Variants in FAM234B observed in about 807,000 individuals in gnomAD.
FAM234B encodes protein FAM234B.
FAM234B carries 33 observed loss-of-function variants against 69.3 expected under a neutral mutation model. The observed-to-expected ratio is 0.48, with a 90% CI of 0.36 to 0.64. The LOEUF (loss-of-function observed/expected upper bound fraction) is 0.64, where lower values mean the gene tolerates loss of function less well. Ranked by LOEUF, FAM234B falls within the 30% of genes least tolerant of loss-of-function variation. The pLI is 0.00. For missense variants in FAM234B, 697 were observed against 769.7 expected (o/e 0.91, Z 1.12); for synonymous variants, 306 against 306.9 (o/e 1.00, Z 0.03).
At chr12:13,065,109 C>T (rs1268214746) in intron 5 of FAM234B, among the ~76,000 whole-genome samples, 1 of 152,158 alleles carries the variant, frequency 6.6e-6, no homozygotes, top group African/African-American at 2.4e-5. Context: ...CATTTTTGGG[C>T]CAGCTCCAGA....
At chr12:13,048,447 G>A (rs1864835302) in intron 1 of FAM234B, among the ~76,000 whole-genome samples, 1 of 148,060 alleles carries the variant, frequency 6.8e-6, no homozygotes, top group East Asian at 2.1e-4. Flanking sequence ...GCAGTTTTAG[G>A]TCTTTATTGT....
At chr12:13,049,070 G>A (rs1005246397) in intron 1 of FAM234B, among the ~76,000 whole-genome samples, 2 of 152,236 alleles carry the variant, frequency 1.3e-5, no homozygotes, top group African/African-American at 4.8e-5. Context: ...TGGGGACACA[G>A]AGCCAAACCA....
chr12:13,060,055 T>C (rs1864969039), intron 3 of FAM234B, among the ~76,000 whole-genome samples: 1 of 152,222 alleles, frequency 6.6e-6, no homozygotes, highest in Non-Finnish European at 1.5e-5. Context: ...AAGGAATTTA[T>C]CCTTCCACAC....
rs543891115 is a variant in FAM234B, at chr12:13,082,473, A to T, written c.*1843A>T. 134 of 152,220 alleles carry T rather than the reference A, an allele frequency of 8.8e-4. No homozygotes were observed. Among genetic ancestry groups the T allele is most frequent in the African/African-American group, 3.1e-3 (130 of 41,514 alleles). 9.4% of individuals were successfully genotyped at this position (152,220 alleles called of 1,614,324 possible). A position where few individuals can be genotyped will look rare whatever the true frequency, so the allele number is the denominator to read the frequency against. On this transcript the variant is annotated 3_prime_UTR_variant, in exon 13 of 13. Transcript: ENST00000197268. ...CTCTGCCTTAAGATCCTGAAGGCAA[A>T]TTTTGTTTCAACAGTTTGGAAGTCA...
chr12:13,075,600 T>A (rs80323089), intron 10 of FAM234B, among the ~76,000 whole-genome samples: 2 of 129,848 alleles, frequency 1.5e-5, no homozygotes, highest in African/African-American at 2.8e-5. Context: ...CAAGCCCAGC[T>A]TTTTTTTCTC....
rs1247820237 is a variant in FAM234B at position 13,076,076 on chromosome 12, G to A, written c.1575G>A (p.Leu525=). The change falls in exon 11 of 13, where the codon CTG becomes CTA. Residue 525 remains leucine, a synonymous_variant. Transcript: ENST00000197268. ...CCAGCCTTCACCACCTTTACCTCCT[G>A]CATCCTGCGTTCCCCTCCATCCTTC... ...EPPSLHHLYL[L]HPAFPSILLD... 1 of 1,614,126 alleles carries A rather than the reference G, an allele frequency of 6.2e-7. No individual in the cohort carries two copies.
chr12:13,063,533 A>G (rs536996372), intron 5 of FAM234B, among the ~76,000 whole-genome samples: 3 of 152,358 alleles, frequency 2.0e-5, no homozygotes, highest in Admixed American at 2.0e-4. Flanking sequence ...AACAATGACC[A>G]AAGAAAGGAG....
chr12:13,071,382 G>A lies in FAM234B; in HGVS notation c.1510G>A (p.Ala504Thr). Residue 504 changes from alanine (A) to threonine (T), a missense_variant, in exon 10 of 13, where the codon GCA becomes ACA. By Grantham distance (58) the Ala-to-Thr change is moderately conservative. This residue lies in a region of FAM234B where 313 missense variants were observed against 305.5 expected (regional missense o/e 1.02). Transcript: ENST00000197268. ...FLFWAEGLSAASPNSDIILGT... is the reference protein window; with the variant it reads ...FLFWAEGLSATSPNSDIILGT... Reference sequence around the variant, plus strand: ...CTTCTGGGCCGAAGGGCTGTCAGCTGCATCTCCCAATTCCGTGAGTGAGCC... The same window carrying A: ...CTTCTGGGCCGAAGGGCTGTCAGCTACATCTCCCAATTCCGTGAGTGAGCC... The A allele has an allele frequency of 6.2e-7, 1 of 1,614,108 alleles. No homozygotes were observed. The highest frequency in any genetic ancestry group is 8.5e-7 in the Non-Finnish European group (1 of 1,180,022).
rs113463896 is a variant in FAM234B at position 13,055,891 on chromosome 12, C to T, written c.378C>T (p.Pro126=). 3.0e-4 allele frequency: 483 copies of T among 1,611,080 alleles called. 3 individuals are homozygous for T. In the African/African-American group the frequency reaches 5.3e-3, roughly 18 times the overall value. The change falls in exon 2 of 13, where the codon CCC becomes CCT. Residue 126 remains proline (P), a synonymous_variant. Transcript: ENST00000197268. ...TGCTCCTGTGTGCTTTCCTGATCCC[C>T]TGTCCTCCCAGAGATCTGCACAGCA... ...ILVLLCAFLI[P]CPPRDLHSTW... is the part of the protein sequence containing the mutation.
chr12:13,059,173 C>T (rs1381443437), intron 3 of FAM234B, among the ~76,000 whole-genome samples: 1 of 152,190 alleles, frequency 6.6e-6, no homozygotes, highest in East Asian at 1.9e-4. Context: ...ATTCACTCCC[C>T]TGGCTCCCTC....
chr12:13,061,514 A>C, intron 3 of FAM234B, 61 bp from the exon 4 acceptor site: 1 of 1,443,706 alleles, frequency 6.9e-7, no homozygotes, highest in Non-Finnish European at 9.4e-7. Flanking sequence ...CCTCTTGTTC[A>C]TCTCTGCCTC....
In FAM234B at chr12:13,067,273, G is replaced by C; in HGVS notation, c.1119G>C (p.Leu373=). 6.8e-6 allele frequency: 11 copies of C among 1,613,992 alleles called. No homozygotes were observed. The highest frequency in any genetic ancestry group is 9.3e-6 in the Non-Finnish European group (11 of 1,179,866). The part of the protein sequence containing the change: ...PEWEKRRSIN[L]SELIDVYSDG... ...GGGAAAAGCGAAGATCCATCAACCT[G>C]TCTGAGCTCATTGATGTTTACAGGT... Residue 373 remains leucine, a synonymous_variant, in exon 7 of 13, where the codon CTG becomes CTC. Coordinates refer to ENST00000197268, the MANE Select transcript of FAM234B (RefSeq NM_020853.2). The surrounding 1 kb of genome is among the most constrained non-coding windows in gnomAD (Gnocchi z 4.7).
At chr12:13,063,855 A>G (rs1041073284) in intron 5 of FAM234B, among the ~76,000 whole-genome samples, 1 of 152,218 alleles carries the variant, frequency 6.6e-6, no homozygotes, top group Non-Finnish European at 1.5e-5. Flanking sequence ...TCGGCAAAGA[A>G]TGTTTGTGGA....
intron 10 of FAM234B, among the ~76,000 whole-genome samples, chr12:13,072,282 T>C (rs1432180718): frequency 6.6e-6 from 1 of 152,176 alleles, no homozygotes. Context: ...ATTTACTCAT[T>C]TTGAGGATCA....
intron 1 of FAM234B, among the ~76,000 whole-genome samples, chr12:13,045,905 G>A (rs1864805509): frequency 6.6e-6 from 1 of 151,422 alleles, no homozygotes; most frequent in Non-Finnish European, 1.5e-5. Flanking sequence ...GAATGAGAAT[G>A]CATGAAAATC....
Position 13,062,664 on chromosome 12 carries a change from C to T in FAM234B, c.722-181C>T, listed in dbSNP as rs148287519. On this transcript the variant is annotated intron_variant, in intron 4 of 12. Transcript: ENST00000197268. ...TTTGTTTGCCAGATACTTTAGGATT[C>T]GGATCACACTGCCTGCTTCCTCCTC... 63 of 535,358 alleles carry T rather than the reference C, an allele frequency of 1.2e-4. No individual in the cohort carries two copies. In the South Asian group the frequency reaches 1.3e-3, roughly 11 times the overall value. 33.2% of individuals were successfully genotyped at this position (535,358 alleles called of 1,614,324 possible). A position where few individuals can be genotyped will look rare whatever the true frequency, so the allele number is the denominator to read the frequency against.
intron 12 of FAM234B, 78 bp from the exon 13 acceptor site, chr12:13,080,547 G>T: frequency 8.5e-7 from 1 of 1,172,598 alleles, no homozygotes; most frequent in South Asian, 1.2e-5. Context: ...GAAATATTCT[G>T]ACCTTTAGTT....
Position 13,055,646 on chromosome 12 carries a change from G to A in FAM234B, c.133G>A (p.Gly45Arg). The change falls in exon 2 of 13, where the codon GGA becomes AGA. Residue 45 changes from glycine to arginine, a missense_variant. Gly to Arg is a moderately radical substitution (Grantham distance 125). This residue lies in a region of FAM234B where 380 missense variants were observed against 447.1 expected (regional missense o/e 0.85). Transcript: ENST00000197268. ...DDLVLNLQKN[G>R]GVKNGKSPLG... ...TCTGGTGCTTAACCTGCAGAAGAAT[G>A]GAGGGGTCAAAAATGGGAAGAGTCC... 6.2e-7 allele frequency: 1 copy of A among 1,614,198 alleles called. No homozygotes were observed. The highest frequency in any genetic ancestry group is 1.1e-5 in the South Asian group (1 of 91,086).
intron 3 of FAM234B, 88 bp from the exon 4 acceptor site, chr12:13,061,487 C>T (rs1315613928): frequency 9.2e-6 from 10 of 1,090,050 alleles, no homozygotes; most frequent in East Asian, 4.9e-5. Flanking sequence ...TACCACCATC[C>T]ACTTGCAGTT....
Sources: gnomAD v4.1 joint callset for allele counts (sites outside exome capture counted in the v4.1 genomes callset) on GRCh38, gnomAD v4.1.1 for gene constraint, gnomAD v4.1.1 regional missense constraint, Gnocchi (gnomAD v3.1) non-coding constraint, MANE v1.5 for transcripts, NCBI Gene and HGNC (gene_info 2026-07-23, HGNC 2026-07-21) for gene names.